The following METTL8 variants were observed in gnomAD, a reference collection of about 807,000 sequenced individuals.
The protein encoded by METTL8 is tRNA N(3)-cytidine methyltransferase METTL8, mitochondrial.
METTL8 carries 32 observed loss-of-function variants against 48.7 expected under a neutral mutation model. The ratio of observed to expected loss-of-function variants is 0.66; its 90% CI spans 0.50 to 0.88. The LOEUF (loss-of-function observed/expected upper bound fraction) is 0.88. Among genes scored for constraint, METTL8 ranks in the 40% least tolerant of loss-of-function variants. METTL8 has a pLI of 0.00. For synonymous variants in METTL8, 136 were observed against 157.1 expected (o/e 0.87, Z 1.01); for missense variants, 464 against 474.4 (o/e 0.98, Z 0.20).
chr2:171,341,999 G>C (rs1686827959), intron 3 of METTL8, among the ~76,000 whole-genome samples: 2 of 152,158 alleles, frequency 1.3e-5, no homozygotes, highest in South Asian at 4.1e-4. Context: ...TTTGATCCAT[G>C]TGAATTTACT....
At chr2:171,367,193 A>T (rs2105490246) in intron 2 of METTL8, among the ~76,000 whole-genome samples, 1 of 152,270 alleles carries the variant, frequency 6.6e-6, no homozygotes, top group South Asian at 2.1e-4. Context: ...TACTCAATAG[A>T]TCCAGGCAGG....
chr2:171,352,377 G>C (rs942924326), intron 3 of METTL8, among the ~76,000 whole-genome samples: 1 of 152,086 alleles, frequency 6.6e-6, no homozygotes, highest in South Asian at 2.1e-4. Flanking sequence ...ATTTTATTTA[G>C]GATTTTCACA....
intron 1 of METTL8, among the ~76,000 whole-genome samples, chr2:171,411,406 C>T (rs1468597609): frequency 1.3e-5 from 2 of 152,124 alleles, no homozygotes; most frequent in African/African-American, 4.8e-5. Flanking sequence ...GTGTACCTGT[C>T]CTTCCAGACA....
At chr2:171,360,188 A>G (rs1013483155) in intron 3 of METTL8, among the ~76,000 whole-genome samples, 22 of 152,222 alleles carry the variant, frequency 1.4e-4, no homozygotes, top group Non-Finnish European at 2.4e-4. Flanking sequence ...AATGCCACCC[A>G]TGTGTGTATC....
intron 1 of METTL8, among the ~76,000 whole-genome samples, chr2:171,420,304 T>C (rs1466620817): frequency 6.6e-6 from 1 of 152,230 alleles, no homozygotes; most frequent in Non-Finnish European, 1.5e-5. Flanking sequence ...GGTATGATGC[T>C]CTTCCCGCTA....
chr2:171,427,685 T>C (rs1692556773), intron 1 of METTL8, among the ~76,000 whole-genome samples: 1 of 152,244 alleles, frequency 6.6e-6, no homozygotes. Context: ...CTGACCACTC[T>C]GGCTAAAGCA....
chr2:171,376,549 C>T (rs997050135), intron 2 of METTL8, among the ~76,000 whole-genome samples: 1 of 152,098 alleles, frequency 6.6e-6, no homozygotes, highest in Non-Finnish European at 1.5e-5. Context: ...TGCTATACAC[C>T]AACAACAGCC....
chr2:171,363,771 A>T (rs1166004208), intron 2 of METTL8, among the ~76,000 whole-genome samples: 1 of 122,246 alleles, frequency 8.2e-6, no homozygotes, highest in East Asian at 2.0e-4. Flanking sequence ...AAATGAGGTT[A>T]AAAAAGTACA....
At chr2:171,392,913 A>G (rs1688706902) in intron 1 of METTL8, among the ~76,000 whole-genome samples, 3 of 151,070 alleles carry the variant, frequency 2.0e-5, no homozygotes, top group Non-Finnish European at 4.4e-5. Flanking sequence ...CCTGGCCAAC[A>G]TAGGAAAACC....
intron 3 of METTL8, among the ~76,000 whole-genome samples, 195 bp from the exon 4 acceptor site, chr2:171,339,749 G>T (rs1009087785): frequency 2.0e-5 from 3 of 152,120 alleles, no homozygotes; most frequent in African/African-American, 7.2e-5. Context: ...CTCTCAAAAT[G>T]TGTCAAAATG....
intron 1 of METTL8, among the ~76,000 whole-genome samples, chr2:171,393,120 A>G (rs1688734727): frequency 6.7e-6 from 1 of 150,348 alleles, no homozygotes; most frequent in Non-Finnish European, 1.5e-5. Context: ...AACAAAACAA[A>G]ACAAAAATGC....
upstream of METTL8, chr2:171,434,025 G>A (rs896285185): frequency 1.4e-5 from 4 of 276,212 alleles, no homozygotes; most frequent in Admixed American, 2.0e-4. Flanking sequence ...CTAAGTGCAG[G>A]GCGCACACAC....
In METTL8 at chr2:171,414,179, A is replaced by G. The variant is rs572507801; in HGVS notation, c.-13+19704T>C. Among the ~76,000 whole-genome samples the G allele has an allele frequency of 1.4e-3, 220 of 152,270 alleles. 4 individuals are homozygous for G. In the East Asian group the frequency reaches 0.015, roughly 10 times the overall value. On this transcript the variant is annotated intron_variant, in intron 1 of 9. Coordinates refer to ENST00000375258, the MANE Select transcript of METTL8 (RefSeq NM_001321154.2). ...ATCCCTGTAATTCCAGCCCTTTGAGAGGCCAAGGTGGGCGGATCACCTGAG... is the reference window on the plus strand; with the variant it reads ...ATCCCTGTAATTCCAGCCCTTTGAGGGGCCAAGGTGGGCGGATCACCTGAG...
intron 2 of METTL8, among the ~76,000 whole-genome samples, chr2:171,384,645 C>A (rs1215511209): frequency 6.6e-6 from 1 of 151,882 alleles, no homozygotes; most frequent in Non-Finnish European, 1.5e-5. Flanking sequence ...GTCTGGGCAA[C>A]ATAGTGAGAC....
chr2:171,417,264 T>G (rs1015264292), intron 1 of METTL8, among the ~76,000 whole-genome samples: 7 of 152,196 alleles, frequency 4.6e-5, no homozygotes, highest in Admixed American at 4.6e-4. Flanking sequence ...CTTTATAATC[T>G]CGATGATTTT....
intron 2 of METTL8, among the ~76,000 whole-genome samples, chr2:171,374,482 T>A (rs1452771067): frequency 6.6e-6 from 1 of 152,210 alleles, no homozygotes; most frequent in Non-Finnish European, 1.5e-5. Flanking sequence ...TAACTTTTTT[T>A]AAGGTTTTAA....
At chr2:171,395,000 C>A (rs1409067271) in intron 1 of METTL8, among the ~76,000 whole-genome samples, 1 of 152,160 alleles carries the variant, frequency 6.6e-6, no homozygotes, top group Non-Finnish European at 1.5e-5. Flanking sequence ...ATTATTACTA[C>A]CACGTTAGCC....
intron 3 of METTL8, among the ~76,000 whole-genome samples, chr2:171,351,587 A>G (rs1683930824): frequency 6.6e-6 from 1 of 152,140 alleles, no homozygotes; most frequent in Non-Finnish European, 1.5e-5. Context: ...GATTCTTCCT[A>G]TCCATGAGCA....
At chr2:171,342,674 C>T (rs1686894888) in intron 3 of METTL8, among the ~76,000 whole-genome samples, 2 of 151,764 alleles carry the variant, frequency 1.3e-5, no homozygotes, top group African/African-American at 4.8e-5. Flanking sequence ...TTCTGCCTAA[C>T]AAAAAGCAGC....
Sources: gnomAD v4.1 joint callset for allele counts (sites outside exome capture counted in the v4.1 genomes callset) on GRCh38, gnomAD v4.1.1 for gene constraint, MANE v1.5 for transcripts, NCBI Gene and HGNC (gene_info 2026-07-23, HGNC 2026-07-21) for gene names.